ADAMTSL1: variants seen among roughly 807,000 people sequenced by gnomAD.
The protein encoded by ADAMTSL1 is ADAMTS-like protein 1.
Under a neutral mutation model 201.8 loss-of-function variants are expected in ADAMTSL1, and 126 were observed. The observed-to-expected ratio is 0.62, with a 90% CI of 0.54 to 0.72. The LOEUF (loss-of-function observed/expected upper bound fraction) is 0.72, where lower values mean the gene tolerates loss of function less well. Among genes scored for constraint, ADAMTSL1 ranks in the 30% least tolerant of loss-of-function variants. The pLI is 0.00. For synonymous variants in ADAMTSL1, 1,121 were observed against 903.4 expected (o/e 1.24, Z -4.32); for missense variants, 2,679 against 2,277.8 (o/e 1.18, Z -3.59).
intron 2 of ADAMTSL1, among the ~76,000 whole-genome samples, chr9:18,420,139 G>C (rs752091605): frequency 6.6e-6 from 1 of 152,266 alleles, no homozygotes; most frequent in South Asian, 2.1e-4. Flanking sequence ...CATTACTTTC[G>C]CCATTACTTT....
At chr9:18,768,655 A>G (rs1239145023) in intron 16 of ADAMTSL1, among the ~76,000 whole-genome samples, 1 of 152,074 alleles carries the variant, frequency 6.6e-6, no homozygotes, top group African/African-American at 2.4e-5. Context: ...CATTGATTTT[A>G]ATAATTTAAA....
intron 1 of ADAMTSL1, among the ~76,000 whole-genome samples, chr9:18,121,759 A>G (rs980400431): frequency 1.3e-5 from 2 of 152,176 alleles, no homozygotes; most frequent in Non-Finnish European, 2.9e-5. Flanking sequence ...ATGATGGTGT[A>G]TTTTTACCAT....
chr9:17,973,512 C>T (rs1327068296), intron 1 of ADAMTSL1, among the ~76,000 whole-genome samples: 4 of 115,668 alleles, frequency 3.5e-5, no homozygotes, highest in Admixed American at 2.0e-4. Flanking sequence ...CTGTTCTGTT[C>T]CATTGATCTA....
chr9:18,255,372 A>G (rs1831644369), intron 2 of ADAMTSL1, among the ~76,000 whole-genome samples: 1 of 151,828 alleles, frequency 6.6e-6, no homozygotes, highest in Non-Finnish European at 1.5e-5. Flanking sequence ...AAAAAGAATG[A>G]GGCTTTGATA....
At chr9:18,176,167 A>T (rs928795698) in intron 2 of ADAMTSL1, among the ~76,000 whole-genome samples, 1 of 152,106 alleles carries the variant, frequency 6.6e-6, no homozygotes. Context: ...TGGAGACTGA[A>T]ACCCTCCTAT....
chr9:18,783,437 C>A (rs1342963714), intron 19 of ADAMTSL1, among the ~76,000 whole-genome samples: 1 of 152,172 alleles, frequency 6.6e-6, no homozygotes, highest in African/African-American at 2.4e-5. Context: ...TGGAGTTAAA[C>A]AAGCACCACA....
At chr9:18,035,652 G>A (rs1217555719) in intron 1 of ADAMTSL1, among the ~76,000 whole-genome samples, 1 of 151,998 alleles carries the variant, frequency 6.6e-6, no homozygotes, top group Non-Finnish European at 1.5e-5. Flanking sequence ...CCCTGCTCAA[G>A]TTTTTCCTCC....
intron 3 of ADAMTSL1, among the ~76,000 whole-genome samples, chr9:18,542,689 A>C (rs967565891): frequency 1.3e-5 from 2 of 152,162 alleles, no homozygotes; most frequent in Non-Finnish European, 2.9e-5. Context: ...TTGCATAAAA[A>C]TAAATTTCAG....
At chr9:18,129,534 G>GT (rs1825864886) in intron 1 of ADAMTSL1, among the ~76,000 whole-genome samples, 2 of 152,130 alleles carry the variant, frequency 1.3e-5, no homozygotes, top group East Asian at 1.9e-4. Context: ...TTTTCTGTGG[G>GT]TTTTTATCTG....
intron 2 of ADAMTSL1, among the ~76,000 whole-genome samples, chr9:18,521,796 A>AT (rs558508790): frequency 6.6e-6 from 1 of 152,374 alleles, no homozygotes; most frequent in East Asian, 1.9e-4. Context: ...AATGTAGAAC[A>AT]TGATAGAATG....
intron 1 of ADAMTSL1, among the ~76,000 whole-genome samples, chr9:18,082,225 C>T (rs1258665371): frequency 2.0e-5 from 3 of 152,000 alleles, no homozygotes; most frequent in Non-Finnish European, 4.4e-5. Context: ...ATAAGAAGTA[C>T]GAAACTAAAT....
intron 2 of ADAMTSL1, among the ~76,000 whole-genome samples, chr9:18,238,192 T>C (rs1336661738): frequency 2.0e-5 from 3 of 152,226 alleles, no homozygotes; most frequent in Non-Finnish European, 4.4e-5. Flanking sequence ...TGAATGAGTT[T>C]TAGGACTATG....
intron 2 of ADAMTSL1, among the ~76,000 whole-genome samples, chr9:18,189,700 T>C (rs955799998): frequency 3.3e-5 from 5 of 152,172 alleles, no homozygotes; most frequent in Admixed American, 2.6e-4. Flanking sequence ...TACTAGGAAA[T>C]TAACTCCTTC....
intron 2 of ADAMTSL1, among the ~76,000 whole-genome samples, chr9:18,359,808 A>C (rs1836423284): frequency 9.3e-6 from 1 of 107,418 alleles, no homozygotes; most frequent in African/African-American, 3.7e-5. Context: ...AGCAGGGTTA[A>C]TGCCCCACCT....
At chr9:18,605,237 G>C (rs1321394258) in intron 4 of ADAMTSL1, among the ~76,000 whole-genome samples, 1 of 152,138 alleles carries the variant, frequency 6.6e-6, no homozygotes, top group African/African-American at 2.4e-5. Flanking sequence ...TCAGAGAGTG[G>C]CAACCTGTTT....
intron 11 of ADAMTSL1, chr9:18,681,125 G>C (rs1587880018): frequency 6.5e-6 from 1 of 152,694 alleles, no homozygotes; most frequent in East Asian, 1.9e-4. Flanking sequence ...GAAACAGAAA[G>C]ATGAAATAAG....
At chr9:18,179,983 C>A (rs1389851700) in intron 2 of ADAMTSL1, among the ~76,000 whole-genome samples, 1 of 151,066 alleles carries the variant, frequency 6.6e-6, no homozygotes, top group Non-Finnish European at 1.5e-5. Flanking sequence ...AGCAAAATAA[C>A]CAGCTAACAT....
chr9:18,612,994 A>G (rs1825478367), intron 4 of ADAMTSL1, among the ~76,000 whole-genome samples: 1 of 152,214 alleles, frequency 6.6e-6, no homozygotes. Context: ...TCCAGCATCT[A>G]TAAGAAATTA....
At chr9:18,556,049 A>G (rs988194346) in intron 3 of ADAMTSL1, among the ~76,000 whole-genome samples, 3 of 152,032 alleles carry the variant, frequency 2.0e-5, no homozygotes, top group African/African-American at 4.8e-5. Flanking sequence ...CTCAGCTCTC[A>G]GGATCTGTAA....
Sources: gnomAD v4.1 joint callset for allele counts (sites outside exome capture counted in the v4.1 genomes callset) on GRCh38, gnomAD v4.1.1 for gene constraint, MANE v1.5 for transcripts, NCBI Gene and HGNC (gene_info 2026-07-23, HGNC 2026-07-21) for gene names.